SLC9A9: variants seen among roughly 807,000 people sequenced by gnomAD.
SLC9A9 encodes solute carrier family 9 member A9, also known as sodium/hydrogen exchanger 9.
Under a neutral mutation model 77.8 loss-of-function variants are expected in SLC9A9, and 62 were observed. The ratio of observed to expected loss-of-function variants is 0.80; its 90% CI spans 0.65 to 0.98. The LOEUF (loss-of-function observed/expected upper bound fraction) is 0.98, where lower values mean the gene tolerates loss of function less well. SLC9A9 is among the 50% of genes least tolerant of loss of function. The probability of loss-of-function intolerance (pLI) is 0.00; values close to 1 mark genes in which losing one functional copy is unlikely to be tolerated. For synonymous variants in SLC9A9, 320 were observed against 283.5 expected (o/e 1.13, Z -1.29); for missense variants, 775 against 774.9 (o/e 1.00, Z 0.00).
intron 1 of SLC9A9, among the ~76,000 whole-genome samples, chr3:143,836,081 T>A (rs374438341): frequency 6.6e-6 from 1 of 152,220 alleles, no homozygotes; most frequent in Non-Finnish European, 1.5e-5. Flanking sequence ...ACAGAAAGCA[T>A]GGACAATGGA....
intron 6 of SLC9A9, among the ~76,000 whole-genome samples, chr3:143,594,212 T>A (rs1372523707): frequency 1.3e-5 from 2 of 152,196 alleles, no homozygotes; most frequent in Non-Finnish European, 2.9e-5. Flanking sequence ...GTAAACTGAG[T>A]GATCACCATG....
intron 1 of SLC9A9, among the ~76,000 whole-genome samples, chr3:143,846,788 A>G (rs1034325523): frequency 6.6e-6 from 1 of 151,512 alleles, no homozygotes; most frequent in African/African-American, 2.4e-5. Flanking sequence ...TTATACTTTA[A>G]GTTTTAGGGT....
intron 13 of SLC9A9, among the ~76,000 whole-genome samples, chr3:143,364,287 G>C (rs1261308498): frequency 6.6e-6 from 1 of 151,940 alleles, no homozygotes; most frequent in African/African-American, 2.4e-5. Context: ...ATAATAAAAT[G>C]TAAGGAGGGT....
chr3:143,587,657 C>A (rs541803623), intron 6 of SLC9A9, among the ~76,000 whole-genome samples: 14 of 152,290 alleles, frequency 9.2e-5, no homozygotes, highest in East Asian at 3.9e-4. Flanking sequence ...AAAGAGCAGG[C>A]ACTGGAGGGT....
intron 12 of SLC9A9, among the ~76,000 whole-genome samples, chr3:143,391,784 A>G (rs1488658471): frequency 3.3e-5 from 5 of 152,254 alleles, no homozygotes; most frequent in Non-Finnish European, 1.5e-5. Context: ...AAACCATGGC[A>G]CGAGAACTAT....
intron 11 of SLC9A9, among the ~76,000 whole-genome samples, chr3:143,472,560 C>T (rs530143110): frequency 6.6e-6 from 1 of 152,332 alleles, no homozygotes; most frequent in South Asian, 2.1e-4. Context: ...CCTTCTCTGA[C>T]ATCTGGGTCT....
At chr3:143,747,720 C>T (rs58921238) in intron 4 of SLC9A9, among the ~76,000 whole-genome samples, 2,833 of 152,260 alleles carry the variant, frequency 0.019, 97 homozygotes, top group African/African-American at 0.064. Flanking sequence ...AAAAAAGAAG[C>T]CCTGCTGATA....
intron 14 of SLC9A9, among the ~76,000 whole-genome samples, chr3:143,356,444 T>C (rs2032587250): frequency 6.6e-6 from 1 of 152,148 alleles, no homozygotes; most frequent in Admixed American, 6.5e-5. Context: ...TGTTTCTAGA[T>C]ACTGTTAAAA....
intron 5 of SLC9A9, among the ~76,000 whole-genome samples, chr3:143,686,908 T>TG (rs1933290481): frequency 2.0e-5 from 1 of 49,514 alleles, no homozygotes; most frequent in Admixed American, 2.6e-4. Context: ...CTAGTCTCTG[T>TG]TTTTTGCACA....
chr3:143,328,456 T>A (rs565937618), intron 14 of SLC9A9, among the ~76,000 whole-genome samples: 2 of 152,342 alleles, frequency 1.3e-5, no homozygotes, highest in African/African-American at 2.4e-5. Context: ...TAAAGAGGCA[T>A]GTAAACTTCC....
rs147278151 is a variant in SLC9A9 at position 143,337,914 on chromosome 3, C to T, written c.1604+25570G>A. On this transcript the variant is annotated intron_variant, in intron 14 of 15. Transcript: ENST00000316549. The stretch of plus-strand genomic sequence containing the variant: ...GAGCTGGAGTGGCACCAGTCATGGT[C>T]CCACAGTGGAGAGTAACATGCTTTT... 2.5e-3 allele frequency among the ~76,000 whole-genome samples: 385 copies of T among 152,240 alleles called. 3 individuals carry two copies. Among genetic ancestry groups the T allele is most frequent in the South Asian group, 0.023 (110 of 4,818 alleles).
chr3:143,304,264 G>GAGA (rs1488374385), intron 14 of SLC9A9, among the ~76,000 whole-genome samples: 5 of 152,220 alleles, frequency 3.3e-5, no homozygotes, highest in Non-Finnish European at 5.9e-5. Flanking sequence ...TGGCCTCAGG[G>GAGA]AGAAGAGAGG....
chr3:143,471,698 A>G (rs116084561), intron 11 of SLC9A9, among the ~76,000 whole-genome samples: 2,011 of 152,184 alleles, frequency 0.013, 43 homozygotes, highest in African/African-American at 0.045. Flanking sequence ...ATAATTTTAT[A>G]CTTTTGAGGG....
chr3:143,427,711 G>A (rs1304592376), intron 12 of SLC9A9, among the ~76,000 whole-genome samples: 1 of 152,174 alleles, frequency 6.6e-6, no homozygotes, highest in Non-Finnish European at 1.5e-5. Context: ...TGTGCCTCAG[G>A]TTCTGATAGT....
intron 12 of SLC9A9, among the ~76,000 whole-genome samples, chr3:143,416,301 T>G (rs568398479): frequency 6.6e-6 from 1 of 152,280 alleles, no homozygotes; most frequent in African/African-American, 2.4e-5. Context: ...GGCTCCAAAT[T>G]GGAAAGAAGT....
At chr3:143,688,431 T>C (rs1933350455) in intron 5 of SLC9A9, among the ~76,000 whole-genome samples, 1 of 152,116 alleles carries the variant, frequency 6.6e-6, no homozygotes, top group South Asian at 2.1e-4. Context: ...GAATGCTGGT[T>C]GCAGTGCTTC....
intron 9 of SLC9A9, among the ~76,000 whole-genome samples, chr3:143,525,510 G>A (rs761732049): frequency 1.3e-5 from 2 of 152,180 alleles, no homozygotes; most frequent in Non-Finnish European, 2.9e-5. Flanking sequence ...GGTAGCATAT[G>A]AGTCTCATCT....
At chr3:143,561,532 C>CCACG (rs2037084243) in intron 8 of SLC9A9, among the ~76,000 whole-genome samples, 1 of 152,102 alleles carries the variant, frequency 6.6e-6, no homozygotes, top group Admixed American at 6.6e-5. Flanking sequence ...AGAGTAGGGT[C>CCACG]CACGCCTCTC....
At chr3:143,580,376 C>G (rs1009514743) in intron 6 of SLC9A9, among the ~76,000 whole-genome samples, 1 of 152,182 alleles carries the variant, frequency 6.6e-6, no homozygotes. Context: ...ACTAGTAGAT[C>G]TGACCCATAG....
Sources: allele counts gnomAD v4.1 joint callset (sites outside exome capture counted in the v4.1 genomes callset), GRCh38; gene constraint gnomAD v4.1.1; transcripts MANE v1.5; gene names NCBI Gene and HGNC (gene_info 2026-07-23, HGNC 2026-07-21).